Variants in MEIKIN observed in about 807,000 individuals in gnomAD.
MEIKIN encodes meiotic kinetochore factor, also known as meiosis-specific kinetochore protein.
At chr5:131,906,420 G>A (rs528774277) in intron 8 of MEIKIN, among the ~76,000 whole-genome samples, 37 of 152,304 alleles carry the variant, frequency 2.4e-4, no homozygotes, top group African/African-American at 8.7e-4. Flanking sequence ...GTTAGTGGGA[G>A]TGTAAATTAT....
intron 8 of MEIKIN, among the ~76,000 whole-genome samples, chr5:131,907,776 G>A (rs1286648663): frequency 1.3e-5 from 2 of 152,032 alleles, no homozygotes; most frequent in Admixed American, 6.6e-5. Flanking sequence ...GGAGGCTGAG[G>A]CAAGAGAGTC....
intron 9 of MEIKIN, among the ~76,000 whole-genome samples, chr5:131,872,450 AAAT>A (rs1750522440): frequency 6.6e-6 from 1 of 152,206 alleles, no homozygotes; most frequent in African/African-American, 2.4e-5. Context: ...TTTAGAGAAA[AAAT>A]AATAAAAAGA....
chr5:131,885,346 A>G (rs1434477469), intron 8 of MEIKIN, among the ~76,000 whole-genome samples: 1 of 3,568 alleles, frequency 2.8e-4, no homozygotes, highest in Non-Finnish European at 9.8e-4. Context: ...ACTGAAAGAG[A>G]GAGAGAGAGA....
At chr5:131,832,784 A>C (rs575750693) in intron 11 of MEIKIN, among the ~76,000 whole-genome samples, 1 of 152,344 alleles carries the variant, frequency 6.6e-6, no homozygotes, top group South Asian at 2.1e-4. Flanking sequence ...GCATCATCTG[A>C]AGCCATGGCC....
At chr5:131,872,428 TGAGAA>T (rs1170144625) in intron 9 of MEIKIN, among the ~76,000 whole-genome samples, 3 of 151,892 alleles carry the variant, frequency 2.0e-5, no homozygotes, top group Admixed American at 6.6e-5. Context: ...TGAAATGAAG[TGAGAA>T]GAGAAGTTTA....
intron 4 of MEIKIN, among the ~76,000 whole-genome samples, chr5:131,936,681 G>A (rs1441553787): frequency 2.6e-5 from 4 of 151,886 alleles, no homozygotes; most frequent in East Asian, 3.9e-4. Context: ...TGCAACCTCC[G>A]CCTCCCAAGC....
chr5:131,856,063 C>T (rs1036677310), intron 9 of MEIKIN, among the ~76,000 whole-genome samples: 17 of 152,004 alleles, frequency 1.1e-4, no homozygotes, highest in Admixed American at 7.9e-4. Context: ...TTAAACTGAT[C>T]GTTGGTACAA....
At chr5:131,809,819 C>A (rs113869217) in intron 12 of MEIKIN, among the ~76,000 whole-genome samples, 273 of 130,212 alleles carry the variant, frequency 2.1e-3, no homozygotes, top group Middle Eastern at 3.8e-3. Context: ...AACAAACGAA[C>A]AAAAAAAAAA....
At position 131,887,784 on chromosome 5, in the gene MEIKIN, T is replaced by G. The variant is rs1446876425; in HGVS notation, c.704-8736A>C. On this transcript the variant is annotated intron_variant, in intron 8 of 12. Coordinates refer to ENST00000442687, the MANE Select transcript of MEIKIN (RefSeq NM_001303622.2). ...CAGGTTTGTTACATATGTATACATG[T>G]GCCATGTTGGTGTGCTGCACCCATT... Among the ~76,000 whole-genome samples the G allele has an allele frequency of 2.0e-5, 3 of 151,862 alleles. No homozygotes were observed. In the East Asian group the frequency reaches 5.8e-4, roughly 29 times the overall value.
chr5:131,870,410 C>A (rs1223467329), intron 9 of MEIKIN, among the ~76,000 whole-genome samples: 1 of 152,112 alleles, frequency 6.6e-6, no homozygotes, highest in Non-Finnish European at 1.5e-5. Flanking sequence ...TCCTTTTGAA[C>A]CTGACGATGG....
At chr5:131,928,085 A>G (rs1455778424) in intron 5 of MEIKIN, among the ~76,000 whole-genome samples, 1 of 149,204 alleles carries the variant, frequency 6.7e-6, no homozygotes, top group Non-Finnish European at 1.5e-5. Flanking sequence ...CGGAGCTTGC[A>G]GTGAGTTGAG....
intron 9 of MEIKIN, among the ~76,000 whole-genome samples, chr5:131,867,524 C>G (rs952721029): frequency 2.0e-5 from 3 of 152,194 alleles, no homozygotes; most frequent in Non-Finnish European, 1.5e-5. Flanking sequence ...TGTAATCTGC[C>G]TATTCATCCA....
At chr5:131,856,591 C>A (rs918547140) in intron 9 of MEIKIN, among the ~76,000 whole-genome samples, 1 of 152,204 alleles carries the variant, frequency 6.6e-6, no homozygotes, top group African/African-American at 2.4e-5. Flanking sequence ...GCTATCCCTG[C>A]ATAATCCTGC....
At chr5:131,892,230 T>C (rs988773084) in intron 8 of MEIKIN, among the ~76,000 whole-genome samples, 4 of 152,166 alleles carry the variant, frequency 2.6e-5, no homozygotes, top group Admixed American at 2.6e-4. Context: ...CTTTGTGGCG[T>C]TCTCTGTATT....
At chr5:131,913,149 G>T (rs1751357456) in intron 7 of MEIKIN, among the ~76,000 whole-genome samples, 1 of 152,280 alleles carries the variant, frequency 6.6e-6, no homozygotes, top group South Asian at 2.1e-4. Flanking sequence ...TATCACCGGA[G>T]CTCTCTCACT....
intron 10 of MEIKIN, among the ~76,000 whole-genome samples, chr5:131,852,152 G>A (rs1750125356): frequency 6.6e-6 from 1 of 152,120 alleles, no homozygotes; most frequent in South Asian, 2.1e-4. Context: ...ATCTTGAATT[G>A]TAATCCCCAT....
chr5:131,886,329 G>C (rs1322542121), intron 8 of MEIKIN, among the ~76,000 whole-genome samples: 1 of 151,992 alleles, frequency 6.6e-6, no homozygotes, highest in Non-Finnish European at 1.5e-5. Context: ...AGAACACCAA[G>C]AATATTTAAC....
rs961867731 is a variant in MEIKIN, at chr5:131,945,258, G to A, written c.107-9C>T. 5.0e-6 allele frequency: 2 copies of A among 399,026 alleles called. No individual in the cohort carries two copies. Among genetic ancestry groups the A allele is most frequent in the Non-Finnish European group, 8.8e-6 (2 of 226,136 alleles). The allele number at this position is 399,026 out of a possible 1,614,324, so 24.7% of individuals were successfully genotyped here. A position where few individuals can be genotyped will look rare whatever the true frequency, so the allele number is the denominator to read the frequency against. On this transcript the variant is annotated splice_polypyrimidine_tract_variant and intron_variant, in intron 1 of 12. Transcript: ENST00000442687. ...GCCTTTTCTCTTCGAACCTGAGAGA[G>A]GGCGGCACGTTTCAGGGCAAGAAAC...
In MEIKIN at chr5:131,927,617, T is replaced by A. The variant is rs569352363; in HGVS notation, c.479-5676A>T. 1.1e-3 allele frequency among the ~76,000 whole-genome samples: 172 copies of A among 152,334 alleles called. 1 individual carries two copies. The highest frequency in any genetic ancestry group is 2.2e-3 in the Admixed American group (33 of 15,300). On this transcript the variant is annotated intron_variant, in intron 5 of 12. Coordinates refer to ENST00000442687, the MANE Select transcript of MEIKIN (RefSeq NM_001303622.2). Reference sequence around the variant, plus strand: ...ATTTTTCCCTTCAGTTCTGTCAATGTCTGTTTTATATATTTAGATGCTGAT... The same window carrying A: ...ATTTTTCCCTTCAGTTCTGTCAATGACTGTTTTATATATTTAGATGCTGAT...
Sources: gnomAD v4.1 joint callset for allele counts (sites outside exome capture counted in the v4.1 genomes callset) on GRCh38, gnomAD v4.1.1 for gene constraint, MANE v1.5 for transcripts, NCBI Gene and HGNC (gene_info 2026-07-23, HGNC 2026-07-21) for gene names.